Variants in PARD3B observed in about 807,000 individuals in gnomAD.
PARD3B encodes the protein par-3 family cell polarity regulator beta.
PARD3B carries 103 observed loss-of-function variants against 130.2 expected under a neutral mutation model. The ratio of observed to expected loss-of-function variants is 0.79; its 90% CI spans 0.67 to 0.93. The LOEUF (loss-of-function observed/expected upper bound fraction) is 0.93. Among genes scored for constraint, PARD3B ranks in the 40% least tolerant of loss-of-function variants. PARD3B has a pLI of 0.00. For synonymous variants in PARD3B, 583 were observed against 553.2 expected, an observed-to-expected ratio of 1.05 and a Z score of -0.76; for missense variants, 1,609 against 1,499.2, an observed-to-expected ratio of 1.07 and a Z score of -1.21.
chr2:205,556,157 G>A (rs1365701913), intron 22 of PARD3B, among the ~76,000 whole-genome samples: 2 of 152,134 alleles, frequency 1.3e-5, no homozygotes, highest in Admixed American at 1.3e-4. Context: ...GAGGCCGGGA[G>A]CTTTGAAATA....
At chr2:205,455,886 A>C (rs957718738) in intron 20 of PARD3B, among the ~76,000 whole-genome samples, 1 of 151,996 alleles carries the variant, frequency 6.6e-6, no homozygotes, top group Non-Finnish European at 1.5e-5. Context: ...TGCAGTCAAG[A>C]TATAGAACTA....
intron 2 of PARD3B, among the ~76,000 whole-genome samples, chr2:204,745,940 C>A (rs550196141): frequency 6.6e-6 from 1 of 151,588 alleles, no homozygotes; most frequent in African/African-American, 2.4e-5. Flanking sequence ...AAAAAAAGGG[C>A]GTAAAACGAA....
intron 19 of PARD3B, among the ~76,000 whole-genome samples, chr2:205,431,594 C>T (rs553197297): frequency 6.6e-6 from 1 of 151,936 alleles, no homozygotes; most frequent in African/African-American, 2.4e-5. Context: ...CTCAGCCTCC[C>T]GAGTAGCTGG....
chr2:204,729,477 A>G (rs1574833291), intron 2 of PARD3B, among the ~76,000 whole-genome samples: 3 of 152,176 alleles, frequency 2.0e-5, no homozygotes, highest in Admixed American at 1.3e-4. Flanking sequence ...CAAACCATCA[A>G]TGACAGTCCA....
At chr2:204,823,004 A>T (rs2043426260) in intron 2 of PARD3B, among the ~76,000 whole-genome samples, 1 of 152,020 alleles carries the variant, frequency 6.6e-6, no homozygotes, top group East Asian at 1.9e-4. Context: ...AGTTTGGGGG[A>T]CACTTCAAGT....
Position 205,289,169 on chromosome 2 carries a change from A to G in PARD3B, c.2186-11361A>G, listed in dbSNP as rs554006642. Among the ~76,000 whole-genome samples the G allele has an allele frequency of 2.0e-5, 3 of 152,336 alleles. No homozygotes were observed. In the East Asian group the frequency reaches 5.8e-4, roughly 29 times the overall value. On this transcript the variant is annotated intron_variant, in intron 16 of 22. Transcript: ENST00000406610. ...GTTTATTTGGGCTACTAATAGAAGT[A>G]AAGGAGATAGAAGATGATTTGAAAA...
intron 3 of PARD3B, among the ~76,000 whole-genome samples, chr2:205,038,639 G>C (rs866833087): frequency 6.6e-6 from 1 of 152,312 alleles, no homozygotes; most frequent in South Asian, 2.1e-4. Context: ...TATTTTTGTA[G>C]CACTGGCTTT....
chr2:204,549,352 T>C (rs972660173), intron 1 of PARD3B, among the ~76,000 whole-genome samples: 49 of 152,302 alleles, frequency 3.2e-4, no homozygotes, highest in African/African-American at 1.2e-3. Context: ...AGTGGAGAAG[T>C]GATTGTCTTC....
At chr2:204,895,647 C>T (rs1247480574) in intron 2 of PARD3B, among the ~76,000 whole-genome samples, 2 of 151,846 alleles carry the variant, frequency 1.3e-5, no homozygotes, top group African/African-American at 4.8e-5. Flanking sequence ...AGTGAGCTCC[C>T]CCGCCAAAAA....
intron 2 of PARD3B, among the ~76,000 whole-genome samples, chr2:204,964,206 C>A (rs1691004928): frequency 1.3e-5 from 2 of 152,170 alleles, no homozygotes; most frequent in South Asian, 4.1e-4. Context: ...CATCCTGTAG[C>A]TGCCTCATTT....
At chr2:205,345,400 T>C (rs1020771078) in intron 18 of PARD3B, among the ~76,000 whole-genome samples, 2 of 152,252 alleles carry the variant, frequency 1.3e-5, no homozygotes, top group Middle Eastern at 3.4e-3. Flanking sequence ...ATAGGAGATA[T>C]CTCTCGAATG....
chr2:204,619,382 T>C (rs191531744), intron 1 of PARD3B, among the ~76,000 whole-genome samples: 1 of 152,354 alleles, frequency 6.6e-6, no homozygotes, highest in East Asian at 1.9e-4. Context: ...AGTTCACTCA[T>C]TTCTTCTTTT....
intron 15 of PARD3B, among the ~76,000 whole-genome samples, chr2:205,207,075 G>A (rs372892186): frequency 0.052 from 6,528 of 124,456 alleles, 110 homozygotes; most frequent in African/African-American, 0.088. Context: ...ACTCAAAACC[G>A]CTCAACTACA....
At chr2:204,578,302 G>A (rs542655128) in intron 1 of PARD3B, among the ~76,000 whole-genome samples, 5 of 152,238 alleles carry the variant, frequency 3.3e-5, no homozygotes, top group Admixed American at 1.3e-4. Flanking sequence ...ATCCATGACT[G>A]GATTAGTTAT....
intron 10 of PARD3B, among the ~76,000 whole-genome samples, chr2:205,156,290 A>T (rs1230759929): frequency 2.0e-5 from 3 of 150,416 alleles, no homozygotes; most frequent in Non-Finnish European, 4.4e-5. Flanking sequence ...GAGGAATAGC[A>T]TTAGGAGATA....
intron 2 of PARD3B, among the ~76,000 whole-genome samples, chr2:204,840,634 T>C (rs1372292074): frequency 6.6e-6 from 1 of 152,084 alleles, no homozygotes; most frequent in Non-Finnish European, 1.5e-5. Context: ...CAAAATTGTA[T>C]ATTGTATGAG....
intron 1 of PARD3B, among the ~76,000 whole-genome samples, chr2:204,549,234 C>A (rs2030260477): frequency 6.6e-6 from 1 of 152,122 alleles, no homozygotes. Context: ...TGATGAACTC[C>A]ATTGGAAACG....
intron 1 of PARD3B, among the ~76,000 whole-genome samples, chr2:204,552,714 T>C (rs2030551268): frequency 6.6e-6 from 1 of 152,218 alleles, no homozygotes; most frequent in Non-Finnish European, 1.5e-5. Flanking sequence ...TTCTCCTACA[T>C]GTGGCTTGCC....
intron 22 of PARD3B, among the ~76,000 whole-genome samples, chr2:205,587,928 G>A (rs181929810): frequency 2.6e-5 from 4 of 152,322 alleles, no homozygotes; most frequent in Admixed American, 1.3e-4. Context: ...GGAAAGCAAA[G>A]GCCATGCATT....
Sources: gnomAD v4.1 joint callset for allele counts (sites outside exome capture counted in the v4.1 genomes callset) on GRCh38, gnomAD v4.1.1 for gene constraint, MANE v1.5 for transcripts, NCBI Gene and HGNC (gene_info 2026-07-23, HGNC 2026-07-21) for gene names.